APOD: variants seen among roughly 807,000 people sequenced by gnomAD.
APOD encodes the protein apolipoprotein D.
Under a neutral mutation model 20.4 loss-of-function variants are expected in APOD, and 22 were observed. The ratio of observed to expected loss-of-function variants is 1.08; its 90% CI spans 0.77 to 1.54. The LOEUF (loss-of-function observed/expected upper bound fraction) is 1.54. APOD is among the 40% of genes most tolerant of loss of function. APOD has a pLI of 0.00. For synonymous variants in APOD, 97 were observed against 92.4 expected (o/e 1.05, Z -0.29); for missense variants, 223 against 229.6 (o/e 0.97, Z 0.19).
chr3:195,583,489 T>C (rs1395399556), intron 1 of APOD, among the ~76,000 whole-genome samples: 3 of 152,234 alleles, frequency 2.0e-5, no homozygotes, highest in African/African-American at 7.2e-5. Context: ...ACACCATTAA[T>C]TCCAGTTTCC....
intron 1 of APOD, among the ~76,000 whole-genome samples, chr3:195,582,385 A>T (rs965848198): frequency 6.6e-6 from 1 of 152,212 alleles, no homozygotes; most frequent in Admixed American, 6.5e-5. Flanking sequence ...TCTTCTTCTG[A>T]TATCAATAGG....
At chr3:195,580,108 A>G (rs937388318) in intron 1 of APOD, among the ~76,000 whole-genome samples, 1 of 152,152 alleles carries the variant, frequency 6.6e-6, no homozygotes, top group African/African-American at 2.4e-5. Flanking sequence ...GCCAGGTTCA[A>G]ATTGTGACTC....
intron 1 of APOD, among the ~76,000 whole-genome samples, chr3:195,581,703 G>A (rs572843057): frequency 6.6e-6 from 1 of 152,308 alleles, no homozygotes; most frequent in South Asian, 2.1e-4. Flanking sequence ...GACCTGATGA[G>A]TCTCACCACC....
Position 195,571,303 on chromosome 3 carries a change from G to T in APOD, c.308C>A (p.Ala103Asp), listed in dbSNP as rs757886528. Residue 103 changes from alanine to aspartate, a missense_variant, in exon 4 of 5, where the codon GCC becomes GAC. Coordinates refer to ENST00000343267, the MANE Select transcript of APOD (RefSeq NM_001647.4). ...CCAGGAAAACTTAACTTCCAGCTTG[G>T]CAGGCTCTGTGAGGTTAACTGGGGT... is the stretch of plus-strand genomic sequence containing the variant. ...EATPVNLTEP[A>D]KLEVKFSWFM... is the part of the protein sequence containing the mutation. 6.2e-7 allele frequency: 1 copy of T among 1,613,978 alleles called. No homozygotes were observed.
chr3:195,574,646 CT>C (rs1477940496), intron 2 of APOD, among the ~76,000 whole-genome samples: 6 of 152,184 alleles, frequency 3.9e-5, no homozygotes, highest in African/African-American at 1.4e-4. Flanking sequence ...ATATTATACT[CT>C]TTGGCCCAGC....
chr3:195,575,246 T>C (rs1383213025), intron 2 of APOD, among the ~76,000 whole-genome samples: 19 of 152,222 alleles, frequency 1.2e-4, no homozygotes, highest in Admixed American at 1.2e-3. Context: ...CTCTCTCTCT[T>C]ATCACAGCTG....
chr3:195,575,764 A>G (rs1291870379), intron 2 of APOD, among the ~76,000 whole-genome samples: 1 of 151,986 alleles, frequency 6.6e-6, no homozygotes, highest in Non-Finnish European at 1.5e-5. Flanking sequence ...AGTAGCTGGG[A>G]TTACAGGCAC....
chr3:195,579,230 C>G, intron 2 of APOD, 109 bp downstream of exon 2: 1 of 1,505,702 alleles, frequency 6.6e-7, no homozygotes, highest in Non-Finnish European at 9.0e-7. Context: ...AAGATAAATA[C>G]TTGTCCCAAG....
intron 2 of APOD, 42 bp from the exon 3 acceptor site, chr3:195,574,013 G>A (rs774820297): frequency 1.2e-6 from 2 of 1,606,004 alleles, no homozygotes; most frequent in South Asian, 2.2e-5. Flanking sequence ...TGGTTCTCTG[G>A]GGACCTGCAA....
intron 1 of APOD, among the ~76,000 whole-genome samples, chr3:195,580,369 T>C (rs201730732): frequency 7.8e-5 from 3 of 38,686 alleles, no homozygotes; most frequent in Admixed American, 3.2e-4. Context: ...TTCTTTCTTC[T>C]TTTTTTTTTT....
At chr3:195,569,785 C>CTTTTTT (rs1560457392) in intron 4 of APOD, among the ~76,000 whole-genome samples, 4 of 86,918 alleles carry the variant, frequency 4.6e-5, no homozygotes, top group South Asian at 4.8e-4. Context: ...TCTTCTTCTT[C>CTTTTTT]GTTTTTTTTT....
chr3:195,579,088 C>T (rs911015227), intron 2 of APOD, among the ~76,000 whole-genome samples: 1 of 152,180 alleles, frequency 6.6e-6, no homozygotes, highest in Non-Finnish European at 1.5e-5. Context: ...AGCTCAGGAA[C>T]GCACCCTTTA....
At chr3:195,573,068 T>C (rs1030547943) in intron 3 of APOD, among the ~76,000 whole-genome samples, 6 of 152,210 alleles carry the variant, frequency 3.9e-5, no homozygotes, top group African/African-American at 1.4e-4. Context: ...GGTCTGTTTC[T>C]ATCTGCATAC....
chr3:195,571,056 T>G (rs1294279961), intron 4 of APOD: 1 of 573,172 alleles, frequency 1.7e-6, no homozygotes, highest in Non-Finnish European at 3.1e-6. Flanking sequence ...CGTGTCAGTA[T>G]CCACACTGGG....
At chr3:195,581,995 C>T (rs944557042) in intron 1 of APOD, among the ~76,000 whole-genome samples, 3 of 152,098 alleles carry the variant, frequency 2.0e-5, no homozygotes, top group African/African-American at 7.2e-5. Context: ...ATGGAGAAAC[C>T]CTATCTCTAC....
chr3:195,579,888 G>C (rs889410988), intron 1 of APOD, among the ~76,000 whole-genome samples: 1 of 152,154 alleles, frequency 6.6e-6, no homozygotes, highest in African/African-American at 2.4e-5. Flanking sequence ...ATGTAAAGTG[G>C]GGGATTAAAG....
At chr3:195,570,105 T>C (rs1023854330) in intron 4 of APOD, among the ~76,000 whole-genome samples, 7 of 152,286 alleles carry the variant, frequency 4.6e-5, no homozygotes, top group African/African-American at 9.6e-5. Flanking sequence ...TTCCATAATC[T>C]CCCATAATCC....
rs548357918 is a variant in APOD at position 195,574,935 on chromosome 3, G to A, written c.124-964C>T. ...CCTTTTGTGTAAAAATGGAGAAAAT[G>A]TTTATTACGTTGGTTTTCTGTTGCT... On this transcript the variant is annotated intron_variant, in intron 2 of 4. Transcript: ENST00000343267. Among the ~76,000 whole-genome samples the A allele has an allele frequency of 4.6e-5, 7 of 152,336 alleles. No individual in the cohort carries two copies. The South Asian group carries it at 1.4e-3, about 32-fold the overall frequency.
intron 1 of APOD, among the ~76,000 whole-genome samples, chr3:195,581,659 G>A (rs954174478): frequency 2.6e-5 from 4 of 152,326 alleles, no homozygotes; most frequent in African/African-American, 9.6e-5. Flanking sequence ...TCTGTGCACC[G>A]CCATAGGGCC....
Sources: gnomAD v4.1 joint callset for allele counts (sites outside exome capture counted in the v4.1 genomes callset) on GRCh38, gnomAD v4.1.1 for gene constraint, MANE v1.5 for transcripts, NCBI Gene and HGNC (gene_info 2026-07-23, HGNC 2026-07-21) for gene names.